The following SGCD variants were observed in gnomAD, a reference collection of about 807,000 sequenced individuals.
SGCD encodes sarcoglycan delta, also known as delta-sarcoglycan.
Under a neutral mutation model 36.6 loss-of-function variants are expected in SGCD, and 18 were observed. The observed-to-expected ratio is 0.49, with a 90% CI of 0.34 to 0.73. The LOEUF (loss-of-function observed/expected upper bound fraction) is 0.73, where lower values mean the gene tolerates loss of function less well. Among genes scored for constraint, SGCD ranks in the 30% least tolerant of loss-of-function variants. The pLI is 0.01. For synonymous variants in SGCD, 133 were observed against 130.6 expected, an observed-to-expected ratio of 1.02 and a Z score of -0.12; for missense variants, 387 against 346.7, an observed-to-expected ratio of 1.12 and a Z score of -0.92.
intron 1 of SGCD, among the ~76,000 whole-genome samples, chr5:155,959,685 T>A (rs1561663661): frequency 1.3e-5 from 2 of 152,152 alleles, no homozygotes; most frequent in Non-Finnish European, 2.9e-5. Context: ...TTTAAAGATA[T>A]CACTTGCAAG....
chr5:156,571,086 G>A (rs939863154), intron 4 of SGCD, among the ~76,000 whole-genome samples: 18 of 151,738 alleles, frequency 1.2e-4, no homozygotes, highest in African/African-American at 2.2e-4. Context: ...TTGCTCTGTC[G>A]CCCAGCCTGG....
At chr5:156,283,865 C>A (rs774161086) in intron 3 of SGCD, among the ~76,000 whole-genome samples, 1 of 152,130 alleles carries the variant, frequency 6.6e-6, no homozygotes, top group African/African-American at 2.4e-5. Flanking sequence ...ATCTGTTTGA[C>A]GCTGAGGAGA....
chr5:156,108,796 TGTGA>T (rs1406031500), intron 1 of SGCD, among the ~76,000 whole-genome samples: 1 of 152,198 alleles, frequency 6.6e-6, no homozygotes, highest in African/African-American at 2.4e-5. Context: ...TTAGCCTTGT[TGTGA>T]GTGAGTTAAG....
At chr5:156,619,431 TTCAAGCA>T (rs977213795) in intron 6 of SGCD, among the ~76,000 whole-genome samples, 3 of 152,238 alleles carry the variant, frequency 2.0e-5, no homozygotes, top group African/African-American at 7.2e-5. Context: ...TTAGTGTGTT[TTCAAGCA>T]TCTGTTGGCC....
chr5:156,574,563 C>A (rs1045537681), intron 4 of SGCD, among the ~76,000 whole-genome samples: 1 of 152,050 alleles, frequency 6.6e-6, no homozygotes, highest in African/African-American at 2.4e-5. Context: ...CCTAATTAAC[C>A]ACAACAGCAC....
intron 1 of SGCD, among the ~76,000 whole-genome samples, chr5:155,871,976 G>C (rs1436183247): frequency 6.6e-6 from 1 of 152,236 alleles, no homozygotes; most frequent in Non-Finnish European, 1.5e-5. Context: ...GAATGGGACT[G>C]TTTGCCAAGG....
At position 156,090,922 on chromosome 5, in the gene SGCD, G is replaced by A. The variant is rs536853239; in HGVS notation, c.-281-26956G>A. Among the ~76,000 whole-genome samples, 376 of 152,190 alleles carry A rather than the reference G, an allele frequency of 2.5e-3. 1 individual carries two copies. The highest frequency in any genetic ancestry group is 8.7e-3 in the African/African-American group (361 of 41,514). On this transcript the variant is annotated intron_variant, in intron 1 of 9. Coordinates refer to the SGCD transcript ENST00000517913. The stretch of plus-strand genomic sequence containing the variant: ...ATATGGCTGTATTCTTCCCGACCCC[G>A]CAGGCAGTCAGACCTTATGGTTATT...
chr5:155,989,045 C>T (rs1017459229), intron 1 of SGCD, among the ~76,000 whole-genome samples: 1 of 152,166 alleles, frequency 6.6e-6, no homozygotes, highest in Non-Finnish European at 1.5e-5. Context: ...TGCTCCTTTT[C>T]TTCCTCCAGT....
chr5:156,482,946 G>A (rs1314513865), intron 3 of SGCD, among the ~76,000 whole-genome samples: 1 of 150,196 alleles, frequency 6.7e-6, no homozygotes, highest in Non-Finnish European at 1.5e-5. Flanking sequence ...GGACAGTCCT[G>A]TGTATCATAG....
intron 1 of SGCD, among the ~76,000 whole-genome samples, chr5:156,072,166 T>C (rs927406017): frequency 1.8e-4 from 27 of 149,398 alleles, no homozygotes; most frequent in African/African-American, 7.0e-4. Context: ...AATTTGATCC[T>C]GTCATTATGA....
At chr5:155,945,114 A>G (rs750209781) in intron 1 of SGCD, among the ~76,000 whole-genome samples, 5 of 152,236 alleles carry the variant, frequency 3.3e-5, no homozygotes, top group African/African-American at 4.8e-5. Context: ...AAGAATTAAT[A>G]TCAGTTAGAA....
At chr5:156,578,077 A>T (rs1760059477) in intron 4 of SGCD, among the ~76,000 whole-genome samples, 1 of 152,156 alleles carries the variant, frequency 6.6e-6, no homozygotes, top group East Asian at 1.9e-4. Context: ...TATTATTTTG[A>T]GATATGTCCC....
chr5:156,269,946 C>T (rs928729286), intron 3 of SGCD, among the ~76,000 whole-genome samples: 4 of 152,160 alleles, frequency 2.6e-5, no homozygotes, highest in African/African-American at 9.7e-5. Context: ...GAAATCCTTG[C>T]CTGTGCCTAC....
intron 1 of SGCD, among the ~76,000 whole-genome samples, chr5:155,893,998 T>C (rs1756193350): frequency 6.6e-6 from 1 of 152,152 alleles, no homozygotes; most frequent in African/African-American, 2.4e-5. Context: ...GTATAAAAGA[T>C]GTCTTAAAAA....
At chr5:156,001,806 G>A (rs184235791) in intron 1 of SGCD, among the ~76,000 whole-genome samples, 6 of 152,200 alleles carry the variant, frequency 3.9e-5, no homozygotes, top group Non-Finnish European at 7.3e-5. Flanking sequence ...AGCAGGACTC[G>A]GGCGGAGCCC....
intron 3 of SGCD, among the ~76,000 whole-genome samples, chr5:156,378,199 T>C (rs1004297810): frequency 2.0e-5 from 3 of 152,164 alleles, no homozygotes; most frequent in African/African-American, 7.2e-5. Context: ...TTTTGCAACA[T>C]GGACAAAACT....
chr5:156,536,120 C>A (rs529000527), intron 4 of SGCD, among the ~76,000 whole-genome samples: 3 of 152,094 alleles, frequency 2.0e-5, no homozygotes, highest in East Asian at 3.9e-4. Context: ...ATATCAACAT[C>A]TTGTTGCTGA....
In SGCD at chr5:156,308,995, G is replaced by T. The variant is rs561087906; in HGVS notation, c.-43-20539G>T. Among the ~76,000 whole-genome samples the T allele has an allele frequency of 2.6e-4, 39 of 151,882 alleles. 1 individual carries two copies. In the South Asian group the frequency reaches 7.7e-3, roughly 30 times the overall value. On this transcript the variant is annotated intron_variant, in intron 3 of 9. Coordinates refer to the SGCD transcript ENST00000517913. ...TGAATGTATCCGCCCACTAACTTTT[G>T]ATGAGAAAGTTGCTAATAAATTTAT...
At position 155,883,811 on chromosome 5, in the gene SGCD, A is replaced by G. The variant is rs568079349; in HGVS notation, c.-282+13387A>G. Among the ~76,000 whole-genome samples, 13 of 151,740 alleles carry G rather than the reference A, an allele frequency of 8.6e-5. No homozygotes were observed. The South Asian group carries it at 2.5e-3, about 29-fold the overall frequency. On this transcript the variant is annotated intron_variant, in intron 1 of 9. Transcript: ENST00000517913. ...CAATTTGCAAAAAAAAAAAAAAAAA[A>G]AAAGAAAAGCACTATTTTGGAATGA...
Sources: gnomAD v4.1 joint callset for allele counts (sites outside exome capture counted in the v4.1 genomes callset) on GRCh38, gnomAD v4.1.1 for gene constraint, MANE v1.5 for transcripts, NCBI Gene and HGNC (gene_info 2026-07-23, HGNC 2026-07-21) for gene names.